The following MTERF4 variants were observed in gnomAD, a reference collection of about 807,000 sequenced individuals.
MTERF4 encodes transcription termination factor 4, mitochondrial.
In MTERF4, 17 loss-of-function variants were observed where a neutral mutation model predicts 22.5. The observed-to-expected ratio is 0.75, with a 90% CI of 0.52 to 1.13. The LOEUF (loss-of-function observed/expected upper bound fraction) is 1.13, where lower values mean the gene tolerates loss of function less well. Among genes scored for constraint, MTERF4 ranks in the 50% most tolerant of loss-of-function variants. The probability of loss-of-function intolerance (pLI) is 0.00; values close to 1 mark genes in which losing one functional copy is unlikely to be tolerated. For synonymous variants in MTERF4, 165 were observed against 175.3 expected (o/e 0.94, Z 0.47); for missense variants, 420 against 466.8 (o/e 0.90, Z 0.92).
At chr2:241,092,026 A>G (rs966928267), downstream of MTERF4, 4 of 152,238 alleles carry the variant, frequency 2.6e-5, no homozygotes, top group African/African-American at 9.7e-5. The surrounding 1 kb of genome is among the most constrained non-coding windows in gnomAD (Gnocchi z 4.6). Context: ...TTAGACTCCA[A>G]AGCCAGAGAA....
chr2:241,089,872 C>A, downstream of MTERF4: 1 of 1,471,368 alleles, frequency 6.8e-7, no homozygotes, highest in South Asian at 1.4e-5. Flanking sequence ...CACACCACAG[C>A]GTGTTACTGA....
the MTERF4 span, chr2:241,052,484 GGA>G: frequency 1.3e-6 from 2 of 1,568,174 alleles, no homozygotes; most frequent in East Asian, 2.3e-5. Flanking sequence ...AGGGTCAGGG[GGA>G]TCAAGCAGGG....
downstream of MTERF4, among the ~76,000 whole-genome samples, chr2:241,084,444 G>A (rs2063483930): frequency 6.6e-6 from 1 of 152,080 alleles, no homozygotes; most frequent in Admixed American, 6.6e-5. Context: ...GTGAGTGACT[G>A]TGCCCGGCCA....
chr2:241,085,947 A>C (rs1575134323), downstream of MTERF4, among the ~76,000 whole-genome samples: 2 of 146,496 alleles, frequency 1.4e-5, no homozygotes, highest in South Asian at 4.3e-4. Context: ...GCTCACTACA[A>C]CCTCCGCCCT....
the MTERF4 span, chr2:241,048,724 T>C: frequency 6.2e-7 from 1 of 1,612,992 alleles, no homozygotes; most frequent in Non-Finnish European, 8.5e-7. Context: ...CACCACCCTC[T>C]GCCAGTGCCC....
chr2:241,083,286 C>G (rs2063419227), downstream of MTERF4, among the ~76,000 whole-genome samples: 1 of 152,154 alleles, frequency 6.6e-6, no homozygotes, highest in Non-Finnish European at 1.5e-5. Context: ...AGGAGTGTCC[C>G]TGGCATGTTG....
chr2:241,088,848 G>A (rs951585288), downstream of MTERF4: 6 of 212,330 alleles, frequency 2.8e-5, no homozygotes, highest in African/African-American at 1.2e-4. Flanking sequence ...CTGAGAGAGT[G>A]CCTCCCAGAT....
At position 241,073,378 on chromosome 2, in the gene MTERF4, G is replaced by A. The variant is rs1005380705; in HGVS notation, n.2784C>T. The A allele has an allele frequency of 1.1e-5, 17 of 1,554,046 alleles. No homozygotes were observed. Among genetic ancestry groups the A allele is most frequent in the Non-Finnish European group, 1.5e-5 (17 of 1,147,886 alleles). ...AGGACATCGGAAGTGAGTCAGCAGCGCTGGTGGGGACTTTGGGACTGACTG... is the reference window on the plus strand; with the variant it reads ...AGGACATCGGAAGTGAGTCAGCAGCACTGGTGGGGACTTTGGGACTGACTG... On this transcript the variant is annotated non_coding_transcript_exon_variant, in exon 5 of 5. Coordinates refer to the MTERF4 transcript ENST00000464344. This position sits in a 1 kb window ranked among gnomAD's most constrained non-coding sequence, Gnocchi z 6.6.
downstream of MTERF4, chr2:241,067,699 G>A: frequency 7.1e-7 from 1 of 1,405,036 alleles, no homozygotes; most frequent in Non-Finnish European, 9.8e-7. Context: ...GTTTCATCTT[G>A]AGCCCCTGCA....
the MTERF4 span, chr2:241,065,369 G>A: frequency 1.2e-5 from 19 of 1,612,928 alleles, no homozygotes; most frequent in African/African-American, 8.0e-5. Context: ...CCTGGAACCC[G>A]CCCAATGGTC....
exon 5 of MTERF4, chr2:241,072,999 G>C: frequency 4.0e-6 from 2 of 496,958 alleles, no homozygotes; most frequent in Non-Finnish European, 7.1e-6. Flanking sequence ...CTCTCAGCAT[G>C]ATCAGTGGTG....
At chr2:241,071,958 C>T, downstream of MTERF4, 1 of 1,159,356 alleles carries the variant, frequency 8.6e-7, no homozygotes, top group Non-Finnish European at 1.3e-6. Context: ...CTGTCCCCTA[C>T]ATGATGAGCC....
downstream of MTERF4, chr2:241,094,357 G>A (rs750703553): frequency 4.0e-5 from 19 of 470,784 alleles, no homozygotes; most frequent in East Asian, 1.3e-3. This position sits in a 1 kb window ranked among gnomAD's most constrained non-coding sequence, Gnocchi z 4.3. Context: ...TGGCGATGTG[G>A]ACGGAGTCAC....
At chr2:241,086,459 G>C (rs1327711057), downstream of MTERF4, among the ~76,000 whole-genome samples, 1 of 152,092 alleles carries the variant, frequency 6.6e-6, no homozygotes, top group Non-Finnish European at 1.5e-5. Context: ...CCCTTTCTCT[G>C]TGATGCCATC....
downstream of MTERF4, among the ~76,000 whole-genome samples, chr2:241,085,860 C>CTTTTTTTTT (rs772995766): frequency 5.1e-5 from 4 of 79,188 alleles, no homozygotes; most frequent in African/African-American, 1.0e-4. Context: ...TCTGCGGTTT[C>CTTTTTTTTT]TTTTTTTTTT....
At chr2:241,068,495 G>T (rs532412392), downstream of MTERF4, among the ~76,000 whole-genome samples, 2 of 152,152 alleles carry the variant, frequency 1.3e-5, no homozygotes, top group East Asian at 3.9e-4. This position sits in a 1 kb window ranked among gnomAD's most constrained non-coding sequence, Gnocchi z 5.3. Context: ...TGGGAAGGAA[G>T]ACTCCAGCCA....
downstream of MTERF4, chr2:241,091,593 A>G (rs1575164928): frequency 6.6e-6 from 1 of 152,342 alleles, no homozygotes; most frequent in East Asian, 1.9e-4. The surrounding 1 kb of genome is among the most constrained non-coding windows in gnomAD (Gnocchi z 4.1). Flanking sequence ...AGGAGTGGGA[A>G]TGCCTGTCAT....
chr2:241,050,048 A>G, the MTERF4 span: 1 of 785,534 alleles, frequency 1.3e-6, no homozygotes, highest in African/African-American at 1.7e-5. Context: ...GACCTCGTCT[A>G]GAGCCTTGCC....
chr2:241,061,939 G>A, the MTERF4 span, among the ~76,000 whole-genome samples: 1 of 152,006 alleles, frequency 6.6e-6, no homozygotes, highest in African/African-American at 2.4e-5. Context: ...AATGGGTGAA[G>A]TATGATATAA....
Sources: gnomAD v4.1 joint callset for allele counts (sites outside exome capture counted in the v4.1 genomes callset) on GRCh38, gnomAD v4.1.1 for gene constraint, Gnocchi (gnomAD v3.1) non-coding constraint, MANE v1.5 for transcripts, NCBI Gene and HGNC (gene_info 2026-07-23, HGNC 2026-07-21) for gene names.